Variants in HERC2 observed in about 807,000 individuals in gnomAD.
HERC2 encodes HECT and RLD domain containing E3 ubiquitin protein ligase 2.
In HERC2, 102 loss-of-function variants were observed where a neutral mutation model predicts 537.7. The ratio of observed to expected loss-of-function variants is 0.19; its 90% CI spans 0.16 to 0.22. The LOEUF (loss-of-function observed/expected upper bound fraction) is 0.22, where lower values mean the gene tolerates loss of function less well. Ranked by LOEUF, HERC2 falls within the 10% of genes least tolerant of loss-of-function variation. The pLI, the probability that HERC2 is intolerant of heterozygous loss-of-function variation, is 1.00. For missense variants in HERC2, 4,236 were observed against 6,198.2 expected (o/e 0.68, Z 10.63); for synonymous variants, 2,224 against 2,466.2 (o/e 0.90, Z 2.91).
Position 28,167,681 on chromosome 15 carries a change from C to G in HERC2, c.10554+6G>C, listed in dbSNP as rs369523422. ...AATACAAAGTTAAAGAAGAACGCCTCTTCACCTCTTTGGTTTTGGTCATGG... is the reference window on the plus strand; with the variant it reads ...AATACAAAGTTAAAGAAGAACGCCTGTTCACCTCTTTGGTTTTGGTCATGG... On this transcript the variant is annotated splice_donor_region_variant and intron_variant, in intron 68 of 92. Coordinates refer to ENST00000261609, the MANE Select transcript of HERC2 (RefSeq NM_004667.6). 1 of 1,613,922 alleles carries G rather than the reference C, an allele frequency of 6.2e-7. No homozygotes were observed. The highest frequency in any genetic ancestry group is 1.3e-5 in the African/African-American group (1 of 74,934).
In HERC2 at chr15:28,182,016, G is replaced by A. The variant is rs987081864; in HGVS notation, c.8937+385C>T. On this transcript the variant is annotated intron_variant, in intron 57 of 92. Transcript: ENST00000261609. ...TACTTCACCCTGAAGAATCTCAGGC[G>A]CGAAGCACCTGGAGGACAGAGACAA... Among the ~76,000 whole-genome samples the A allele has an allele frequency of 8.5e-5, 13 of 152,312 alleles. No individual in the cohort carries two copies. The East Asian group carries it at 1.5e-3, about 18-fold the overall frequency.
chr15:28,237,807 A>C (rs1249685763), intron 25 of HERC2, among the ~76,000 whole-genome samples: 2 of 152,240 alleles, frequency 1.3e-5, no homozygotes, highest in African/African-American at 4.8e-5. Flanking sequence ...TACTACCTCA[A>C]GATTATAAGC....
intron 44 of HERC2, among the ~76,000 whole-genome samples, chr15:28,210,634 G>A (rs1423555778): frequency 3.3e-5 from 5 of 151,770 alleles, no homozygotes; most frequent in Non-Finnish European, 5.9e-5. Context: ...ACGCGCATTT[G>A]AAGAACCAGC....
intron 69 of HERC2, among the ~76,000 whole-genome samples, chr15:28,160,105 G>A (rs1331098228): frequency 1.3e-5 from 2 of 152,210 alleles, no homozygotes; most frequent in Non-Finnish European, 2.9e-5. Flanking sequence ...TTTTGTCTCA[G>A]AGGGGTACCC....
chr15:28,270,787 G>C lies in HERC2; in HGVS notation c.1165C>G (p.Leu389Val), dbSNP rs2075704670. The change falls in exon 10 of 93, where the codon CTG becomes GTG. Residue 389 changes from leucine (L) to valine (V), a missense_variant. Physicochemically the swap from Leu to Val is conservative, Grantham distance 32 (BLOSUM62 1). Coordinates refer to ENST00000261609, the MANE Select transcript of HERC2 (RefSeq NM_004667.6). The part of the protein sequence containing the change: ...LPQDNELAID[L>V]RQTAVVVMAH... ...ATGACAACAACCGCCGTTTGTCGCA[G>C]ATCAATGGCAAGCTCGTTGTCTTGT... The C allele has an allele frequency of 1.9e-6, 3 of 1,613,858 alleles. No homozygotes were observed. The highest frequency in any genetic ancestry group is 2.5e-6 in the Non-Finnish European group (3 of 1,179,880).
At chr15:28,171,907 T>C (rs1894737496) in intron 65 of HERC2, among the ~76,000 whole-genome samples, 1 of 151,978 alleles carries the variant, frequency 6.6e-6, no homozygotes, top group South Asian at 2.1e-4. Context: ...ACCCCGTCTC[T>C]ACTAAAAATA....
chr15:28,255,890 G>A lies in HERC2; in HGVS notation c.2853C>T (p.Ala951=). 1 of 1,600,636 alleles carries A rather than the reference G, an allele frequency of 6.2e-7. No individual in the cohort carries two copies. Among genetic ancestry groups the A allele is most frequent in the Non-Finnish European group, 8.5e-7 (1 of 1,179,762 alleles). ...DGGLESALHA[A]ITAEIQDIEA... ...GCCATACCTGGATCTCTGCAGTAAT[G>A]GCTGCGTGTAAGGCTGACTCCAACC... The change falls in exon 19 of 93, where the codon GCC becomes GCT. Residue 951 remains alanine, a synonymous_variant. Transcript: ENST00000261609.
rs569986754 is a variant in HERC2 at position 28,212,265 on chromosome 15, C to T, written c.6925+180G>A. Reference sequence around the variant, plus strand: ...CTCCGAACATGGCGACAAAAGCTGACTCGAAAATACTCATTACCACGAACA... The same window carrying T: ...CTCCGAACATGGCGACAAAAGCTGATTCGAAAATACTCATTACCACGAACA... On this transcript the variant is annotated intron_variant, in intron 43 of 92. Transcript: ENST00000261609. Among the ~76,000 whole-genome samples, 6 of 152,296 alleles carry T rather than the reference C, an allele frequency of 3.9e-5. No individual in the cohort carries two copies. The South Asian group carries it at 8.3e-4, about 21-fold the overall frequency.
At chr15:28,301,635 CAA>C (rs553654442) in intron 2 of HERC2, among the ~76,000 whole-genome samples, 4 of 106,874 alleles carry the variant, frequency 3.7e-5, no homozygotes, top group Non-Finnish European at 4.1e-5. Context: ...CCTTGTCTGG[CAA>C]AAAAAAAAAA....
intron 2 of HERC2, among the ~76,000 whole-genome samples, chr15:28,300,101 A>G (rs1374897889): frequency 2.6e-5 from 4 of 151,812 alleles, no homozygotes; most frequent in Admixed American, 6.6e-5. Context: ...ACACACACAA[A>G]CACACACACG....
chr15:28,167,599 CTG>C, intron 68 of HERC2, 86 bp downstream of exon 68: 1 of 1,480,414 alleles, frequency 6.8e-7, no homozygotes, highest in South Asian at 1.1e-5. Context: ...TAGGAATAGA[CTG>C]TGTTCCACTC....
At chr15:28,274,250 C>G in intron 7 of HERC2, 41 bp downstream of exon 7, 1 of 1,606,764 alleles carries the variant, frequency 6.2e-7, no homozygotes. Flanking sequence ...TCAAGCAGGC[C>G]AGCTGTCTGC....
Position 28,220,446 on chromosome 15 carries a change from A to G in HERC2, c.5845+6T>C. 6.2e-7 allele frequency: 1 copy of G among 1,606,728 alleles called. No homozygotes were observed. On this transcript the variant is annotated splice_donor_region_variant and intron_variant, in intron 37 of 92. Coordinates refer to ENST00000261609, the MANE Select transcript of HERC2 (RefSeq NM_004667.6). Reference sequence around the variant, plus strand: ...CTTGGACTAAACACCTTCCTGAGTCACCCACCAGAGTCATCCTCTGTGTCC... The same window carrying G: ...CTTGGACTAAACACCTTCCTGAGTCGCCCACCAGAGTCATCCTCTGTGTCC...
At chr15:28,160,762 CCCAGT>C (rs1367907980) in intron 69 of HERC2, among the ~76,000 whole-genome samples, 1 of 152,168 alleles carries the variant, frequency 6.6e-6, no homozygotes, top group Non-Finnish European at 1.5e-5. Flanking sequence ...TCCGACAAGC[CCCAGT>C]GAGATGAACC....
chr15:28,278,102 A>T (rs2141034995), intron 5 of HERC2, among the ~76,000 whole-genome samples: 1 of 152,174 alleles, frequency 6.6e-6, no homozygotes, highest in African/African-American at 2.4e-5. Context: ...CAAATTAAAA[A>T]AAAAAAAAAA....
At chr15:28,253,407 T>C (rs1391693826) in intron 20 of HERC2, among the ~76,000 whole-genome samples, 2 of 152,232 alleles carry the variant, frequency 1.3e-5, no homozygotes, top group African/African-American at 4.8e-5. Context: ...TCCATGATGA[T>C]TTTCATTTGC....
chr15:28,224,939 T>C (rs1900958036), intron 35 of HERC2, among the ~76,000 whole-genome samples: 1 of 152,204 alleles, frequency 6.6e-6, no homozygotes, highest in Non-Finnish European at 1.5e-5. Flanking sequence ...GAAAATACTA[T>C]GAGATGAATG....
chr15:28,252,851 G>A (rs146380611), intron 20 of HERC2, among the ~76,000 whole-genome samples: 2 of 152,328 alleles, frequency 1.3e-5, no homozygotes, highest in African/African-American at 4.8e-5. Context: ...AAATTTCACT[G>A]TGCGTCTACT....
chr15:28,228,128 TTA>T, intron 35 of HERC2, 88 bp downstream of exon 35: 10 of 1,122,628 alleles, frequency 8.9e-6, no homozygotes, highest in Admixed American at 2.5e-5. Context: ...ACAAAAAGCT[TTA>T]AAAAAAAAAA....
Sources: gnomAD v4.1 joint callset for allele counts (sites outside exome capture counted in the v4.1 genomes callset) on GRCh38, gnomAD v4.1.1 for gene constraint, MANE v1.5 for transcripts, NCBI Gene and HGNC (gene_info 2026-07-23, HGNC 2026-07-21) for gene names.